ACACA: variants seen among roughly 807,000 people sequenced by gnomAD.
The protein encoded by ACACA is acetyl-CoA carboxylase alpha, also known as acetyl-CoA carboxylase 1.
Under a neutral mutation model 296.1 loss-of-function variants are expected in ACACA, and 103 were observed. That is an observed-to-expected ratio of 0.35 (90% confidence interval 0.30 to 0.41). The LOEUF (loss-of-function observed/expected upper bound fraction) is 0.41. Ranked by LOEUF, ACACA falls within the 10% of genes least tolerant of loss-of-function variation. The probability of loss-of-function intolerance (pLI) is 1.00; values close to 1 mark genes in which losing one functional copy is unlikely to be tolerated. For synonymous variants in ACACA, 953 were observed against 1,038.6 expected (o/e 0.92, Z 1.58); for missense variants, 1,554 against 2,989.7 (o/e 0.52, Z 11.20).
chr17:37,273,775 A>G (rs532614526), intron 9 of ACACA, among the ~76,000 whole-genome samples: 179 of 152,292 alleles, frequency 1.2e-3, no homozygotes, highest in African/African-American at 4.2e-3. Flanking sequence ...AATAAAGCTG[A>G]CTGTTTGATC....
chr17:37,158,870 C>A (rs2076355905), intron 42 of ACACA, among the ~76,000 whole-genome samples: 1 of 151,928 alleles, frequency 6.6e-6, no homozygotes, highest in Admixed American at 6.6e-5. Flanking sequence ...TGTCTCCATT[C>A]ACTTTTTTTT....
rs186562049 is a variant in ACACA, at chr17:37,349,207, T to C, written c.39-9357A>G. ...TCCCAAGTAACTGGGATTACAGGCG[T>C]GTGCCCCAACACATGGCTAATTTTT... On this transcript the variant is annotated intron_variant, in intron 1 of 55. Coordinates refer to ENST00000616317, the MANE Select transcript of ACACA (RefSeq NM_198834.3). 2.8e-3 allele frequency among the ~76,000 whole-genome samples: 420 copies of C among 150,256 alleles called. 2 individuals carry two copies. Among genetic ancestry groups the C allele is most frequent in the Middle Eastern group, 0.01 (3 of 290 alleles).
chr17:37,106,561 C>G (rs1420197193), intron 52 of ACACA, among the ~76,000 whole-genome samples: 1 of 151,992 alleles, frequency 6.6e-6, no homozygotes, highest in African/African-American at 2.4e-5. Flanking sequence ...GATTTCCAAA[C>G]AGGAATAAAA....
chr17:37,243,134 C>G (rs1402995040), intron 22 of ACACA, among the ~76,000 whole-genome samples: 2 of 152,154 alleles, frequency 1.3e-5, no homozygotes, highest in African/African-American at 2.4e-5. Flanking sequence ...AGGAACAAAG[C>G]TATAAGGTAT....
At chr17:37,248,282 T>C in intron 17 of ACACA, 126 bp from the exon 18 acceptor site, 3 of 1,172,160 alleles carry the variant, frequency 2.6e-6, no homozygotes, top group Non-Finnish European at 3.7e-6. Context: ...GCACTGATGC[T>C]ATTTGCATCA....
chr17:37,299,507 T>G, intron 3 of ACACA: 1 of 1,456,736 alleles, frequency 6.9e-7, no homozygotes, highest in East Asian at 2.5e-5. Context: ...CTATAGTCTT[T>G]TTGTCTAATT....
At chr17:37,096,844 G>A in intron 54 of ACACA, 152 bp downstream of exon 54, 2 of 898,824 alleles carry the variant, frequency 2.2e-6, no homozygotes, top group Non-Finnish European at 3.7e-6. Context: ...CATGTTAGGG[G>A]GAGTAGCTGG....
Position 37,242,053 on chromosome 17 carries a change from T to C in ACACA, c.2932A>G (p.Ile978Val). The C allele has an allele frequency of 6.2e-7, 1 of 1,613,366 alleles. No homozygotes were observed. Among genetic ancestry groups the C allele is most frequent in the South Asian group, 1.1e-5 (1 of 91,050 alleles). Residue 978 changes from isoleucine to valine, a missense_variant and splice_region_variant, in exon 23 of 56, where the codon ATT becomes GTT. Physicochemically the swap from Ile to Val is conservative, Grantham distance 29. Coordinates refer to ENST00000616317, the MANE Select transcript of ACACA (RefSeq NM_198834.3). ...GCATGGCTATCTAGGATGTTTGCAA[T>C]CTAAGGTATAAAAAAGGGAAAAAAA... ...SVLCQFPSQQ[I>V]ANILDSHAAT...
At chr17:37,115,238 C>A (rs762115050) in intron 50 of ACACA, among the ~76,000 whole-genome samples, 10 of 152,174 alleles carry the variant, frequency 6.6e-5, no homozygotes, top group African/African-American at 1.9e-4. Context: ...AAGTGCTTTA[C>A]GCTAATTCTG....
In ACACA at chr17:37,090,998, C is replaced by A. The variant is rs1023963970; in HGVS notation, c.6892-1924G>T. On this transcript the variant is annotated intron_variant, in intron 54 of 55. Coordinates refer to ENST00000616317, the MANE Select transcript of ACACA (RefSeq NM_198834.3). ...CTTTAGTTTAGGAGAATATTTAATACTCTTATTAATCATTTTTAATCCGTT... is the reference window on the plus strand; with the variant it reads ...CTTTAGTTTAGGAGAATATTTAATAATCTTATTAATCATTTTTAATCCGTT... Among the ~76,000 whole-genome samples the A allele has an allele frequency of 2.0e-5, 3 of 151,546 alleles. No individual in the cohort carries two copies. The South Asian group carries it at 6.2e-4, about 31-fold the overall frequency.
Position 37,384,479 on chromosome 17 carries a change from C to T in ACACA, c.38+21783G>A, listed in dbSNP as rs73984215. 5.0e-3 allele frequency among the ~76,000 whole-genome samples: 758 copies of T among 152,092 alleles called. 7 individuals carry two copies. Among genetic ancestry groups the T allele is most frequent in the African/African-American group, 0.018 (734 of 41,508 alleles). Reference sequence around the variant, plus strand: ...CAAAGTGTTTACACACATGCTTTCTCATTTTTATTTGTTTCTGATCTTCAC... The same window carrying T: ...CAAAGTGTTTACACACATGCTTTCTTATTTTTATTTGTTTCTGATCTTCAC... On this transcript the variant is annotated intron_variant, in intron 1 of 55. Transcript: ENST00000616317.
chr17:37,171,632 CA>C (rs1180874995), intron 41 of ACACA, among the ~76,000 whole-genome samples: 1 of 152,006 alleles, frequency 6.6e-6, no homozygotes, highest in African/African-American at 2.4e-5. Context: ...AATGGCTGAA[CA>C]AACTCACCTC....
intron 1 of ACACA, among the ~76,000 whole-genome samples, chr17:37,394,800 A>G (rs1267018074): frequency 6.6e-6 from 1 of 151,172 alleles, no homozygotes; most frequent in African/African-American, 2.4e-5. Flanking sequence ...GAGGCAGGAG[A>G]ATGGCGTGAA....
At chr17:37,121,801 T>C (rs1160523234) in intron 49 of ACACA, among the ~76,000 whole-genome samples, 1 of 152,216 alleles carries the variant, frequency 6.6e-6, no homozygotes, top group Non-Finnish European at 1.5e-5. Flanking sequence ...TGTGCTACTC[T>C]TTAAAGCAAG....
intron 25 of ACACA, among the ~76,000 whole-genome samples, chr17:37,230,103 G>C (rs186322197): frequency 6.7e-6 from 1 of 149,808 alleles, no homozygotes; most frequent in Non-Finnish European, 1.5e-5. Flanking sequence ...AAATAAATAA[G>C]GCCGGGTGCG....
Position 37,223,610 on chromosome 17 carries a change from T to C in ACACA, c.3475-9A>G, listed in dbSNP as rs17848765. 1.0e-5 allele frequency: 16 copies of C among 1,567,682 alleles called. No homozygotes were observed. The East Asian group carries it at 1.1e-4, about 11-fold the overall frequency. The stretch of plus-strand genomic sequence containing the variant: ...TCTGATAGGATGAGTTTCTAGAAGA[T>C]ACAAAGACAGGCTTAAGCCTTACAT... On this transcript the variant is annotated splice_polypyrimidine_tract_variant and intron_variant, in intron 27 of 55. Coordinates refer to ENST00000616317, the MANE Select transcript of ACACA (RefSeq NM_198834.3).
At position 37,252,961 on chromosome 17, in the gene ACACA, C is replaced by T. The variant is rs765543007; in HGVS notation, c.1902G>A (p.Leu634=). 1.1e-5 allele frequency: 17 copies of T among 1,614,114 alleles called. No individual in the cohort carries two copies. Among genetic ancestry groups the T allele is most frequent in the Non-Finnish European group, 1.3e-5 (15 of 1,180,060 alleles). Residue 634 remains leucine, a synonymous_variant, in exon 15 of 56, where the codon TTG becomes TTA. Coordinates refer to ENST00000616317, the MANE Select transcript of ACACA (RefSeq NM_198834.3). The part of the protein sequence containing the change: ...FRTTVEYLIK[L]LETESFQMNR... ...TCATCTGAAAGCTTTCAGTCTCTAACAATTTGATCAGGTATTCAACTGTAG... is the reference window on the plus strand; with the variant it reads ...TCATCTGAAAGCTTTCAGTCTCTAATAATTTGATCAGGTATTCAACTGTAG...
chr17:37,318,392 G>A (rs1373915170), intron 3 of ACACA, among the ~76,000 whole-genome samples: 8 of 152,024 alleles, frequency 5.3e-5, no homozygotes, highest in East Asian at 1.9e-4. Flanking sequence ...ACAGGTGCTC[G>A]CCACCACCTG....
chr17:37,146,414 T>C (rs1437896955), intron 45 of ACACA, among the ~76,000 whole-genome samples: 2 of 149,002 alleles, frequency 1.3e-5, no homozygotes, highest in Non-Finnish European at 3.0e-5. Flanking sequence ...CTGAACCATG[T>C]TAAGTAAAAT....
Sources: gnomAD v4.1 joint callset for allele counts (sites outside exome capture counted in the v4.1 genomes callset) on GRCh38, gnomAD v4.1.1 for gene constraint, MANE v1.5 for transcripts, NCBI Gene and HGNC (gene_info 2026-07-23, HGNC 2026-07-21) for gene names.